Variants in PKD2L1 observed in about 807,000 individuals in gnomAD.
PKD2L1 encodes the protein polycystin-2-like protein 1.
In PKD2L1, 77 loss-of-function variants were observed where a neutral mutation model predicts 93.0. That is an observed-to-expected ratio of 0.83 (90% CI 0.69 to 1.00). PKD2L1 has a LOEUF of 1.00. Among genes scored for constraint, PKD2L1 ranks in the 50% least tolerant of loss-of-function variants. The pLI is 0.00. For synonymous variants in PKD2L1, 390 were observed against 388.0 expected (o/e 1.01, Z -0.06); for missense variants, 977 against 990.9 (o/e 0.99, Z 0.19).
At chr10:100,304,083 T>C (rs1039487558) in intron 2 of PKD2L1, among the ~76,000 whole-genome samples, 1 of 152,262 alleles carries the variant, frequency 6.6e-6, no homozygotes, top group Non-Finnish European at 1.5e-5. Flanking sequence ...AAAATGCCTA[T>C]TGACAGGCAG....
At chr10:100,323,564 C>A (rs1055253768) in intron 2 of PKD2L1, among the ~76,000 whole-genome samples, 1 of 152,012 alleles carries the variant, frequency 6.6e-6, no homozygotes, top group Non-Finnish European at 1.5e-5. Context: ...CCACGGCGCC[C>A]GGCTCACTCT....
At chr10:100,313,024 T>C (rs923962261) in intron 2 of PKD2L1, among the ~76,000 whole-genome samples, 3 of 152,088 alleles carry the variant, frequency 2.0e-5, no homozygotes, top group African/African-American at 7.2e-5. Context: ...ACACCAACTG[T>C]AGTAAAACGT....
At position 100,295,116 on chromosome 10, in the gene PKD2L1, T is replaced by C; in HGVS notation, c.1364A>G (p.Lys455Arg). The C allele has an allele frequency of 6.2e-7, 1 of 1,613,454 alleles. No individual in the cohort carries two copies. Among genetic ancestry groups the C allele is most frequent in the Non-Finnish European group, 8.5e-7 (1 of 1,179,580 alleles). ...NLFFAWIKIF[K>R]YISFNKTMTQ... The stretch of plus-strand genomic sequence containing the variant: ...CATGGTTTTGTTGAAGCTGATGTAC[T>C]TGAATATCTGGAAGGACCATGTTGA... The change falls in exon 8 of 16, where the codon AAG (lysine) becomes AGG (arginine). Residue 455 changes from lysine to arginine, a missense_variant. Physicochemically the swap from Lys to Arg is conservative, Grantham distance 26. Coordinates refer to ENST00000318222, the MANE Select transcript of PKD2L1 (RefSeq NM_016112.3).
At chr10:100,299,421 C>T (rs1244621398) in intron 3 of PKD2L1, among the ~76,000 whole-genome samples, 170 bp downstream of exon 3, 2 of 152,220 alleles carry the variant, frequency 1.3e-5, no homozygotes, top group Non-Finnish European at 2.9e-5. Flanking sequence ...TAATCCCTTA[C>T]CCACCTCCAC....
intron 2 of PKD2L1, among the ~76,000 whole-genome samples, chr10:100,302,697 A>C (rs1041175310): frequency 3.0e-4 from 45 of 149,602 alleles, no homozygotes; most frequent in East Asian, 2.0e-3. Flanking sequence ...GTCCCCCAAA[A>C]AAAAAAAAAA....
At chr10:100,321,590 C>T (rs1169928660) in intron 2 of PKD2L1, among the ~76,000 whole-genome samples, 1 of 144,638 alleles carries the variant, frequency 6.9e-6, no homozygotes, top group East Asian at 2.0e-4. Flanking sequence ...GGGAGGATTG[C>T]TTGAGCCTAG....
intron 6 of PKD2L1, among the ~76,000 whole-genome samples, chr10:100,296,721 G>C (rs1371063168): frequency 6.6e-6 from 1 of 151,622 alleles, no homozygotes; most frequent in African/African-American, 2.4e-5. Context: ...CAAGAGAGGA[G>C]CAGAATATAG....
chr10:100,302,927 T>A (rs1848716948), intron 2 of PKD2L1, among the ~76,000 whole-genome samples: 1 of 152,154 alleles, frequency 6.6e-6, no homozygotes, highest in Non-Finnish European at 1.5e-5. Context: ...AATATCCTTG[T>A]TTTTTAGAAA....
rs1412759399 is a variant in PKD2L1 at position 100,289,945 on chromosome 10, C to T, written c.2250+70G>A. 3 of 1,571,732 alleles carry T rather than the reference C, an allele frequency of 1.9e-6. No homozygotes were observed. The Admixed American group carries it at 5.0e-5, about 26-fold the overall frequency. On this transcript the variant is annotated intron_variant, in intron 14 of 15. Coordinates refer to ENST00000318222, the MANE Select transcript of PKD2L1 (RefSeq NM_016112.3). ...GTCTTTCAAAAATGTTCTTGCCCCA[C>T]CCACTGAGTGGAAAAGATGGCAGAG... is the stretch of plus-strand genomic sequence containing the variant.
intron 4 of PKD2L1, 43 bp downstream of exon 4, chr10:100,298,519 A>C: frequency 6.2e-7 from 1 of 1,600,762 alleles, no homozygotes; most frequent in Non-Finnish European, 8.5e-7. Context: ...TGTCAGGTTT[A>C]GAGGGGCAAG....
At chr10:100,295,731 CAA>C (rs71013441) in intron 7 of PKD2L1, among the ~76,000 whole-genome samples, 904 of 56,652 alleles carry the variant, frequency 0.016, 7 homozygotes, top group African/African-American at 0.058. Context: ...GACTTCGTCT[CAA>C]AAAAAAAAAA....
At position 100,298,826 on chromosome 10, in the gene PKD2L1, A is replaced by G. The variant is rs1005971135; in HGVS notation, c.478-11T>C. 6.2e-7 allele frequency: 1 copy of G among 1,607,322 alleles called. No homozygotes were observed. Among genetic ancestry groups the G allele is most frequent in the East Asian group, 2.2e-5 (1 of 44,814 alleles). On this transcript the variant is annotated splice_polypyrimidine_tract_variant and intron_variant, in intron 3 of 15. Coordinates refer to ENST00000318222, the MANE Select transcript of PKD2L1 (RefSeq NM_016112.3). Reference sequence around the variant, plus strand: ...TGGGCCCTGGGCAAACTGAACCACAAGCTGGCTTGAACCTTACCCAGCCTC... The same window carrying G: ...TGGGCCCTGGGCAAACTGAACCACAGGCTGGCTTGAACCTTACCCAGCCTC...
chr10:100,324,145 G>C (rs879897077), intron 2 of PKD2L1, among the ~76,000 whole-genome samples: 1 of 152,136 alleles, frequency 6.6e-6, no homozygotes, highest in African/African-American at 2.4e-5. Context: ...TTTTTTTAGA[G>C]TAATTTTAGG....
rs79765947 is a variant in PKD2L1, at chr10:100,317,141, T to C, written c.349+12070A>G. Among the ~76,000 whole-genome samples, 1,294 of 152,296 alleles carry C rather than the reference T, an allele frequency of 8.5e-3. 26 individuals carry two copies. The highest frequency in any genetic ancestry group is 0.03 in the African/African-American group (1,232 of 41,560). On this transcript the variant is annotated intron_variant, in intron 2 of 15. Coordinates refer to ENST00000318222, the MANE Select transcript of PKD2L1 (RefSeq NM_016112.3). ...TTAAAACTCAGGAAAAATGTAAATA[T>C]GTATTAACTCATTCATTTGAAAATA...
chr10:100,306,864 A>AAAAAAAAAAAG (rs1848814052), intron 2 of PKD2L1, among the ~76,000 whole-genome samples: 1 of 149,950 alleles, frequency 6.7e-6, no homozygotes, highest in Non-Finnish European at 1.5e-5. Context: ...TCAAAAAAAA[A>AAAAAAAAAAAG]AAAAAAAAAG....
At chr10:100,313,659 C>A (rs1294709173) in intron 2 of PKD2L1, among the ~76,000 whole-genome samples, 1 of 150,876 alleles carries the variant, frequency 6.6e-6, no homozygotes, top group East Asian at 1.9e-4. Flanking sequence ...ACTGGGTCTA[C>A]CCTCAACATT....
chr10:100,326,416 AG>A (rs1849381328), intron 2 of PKD2L1, among the ~76,000 whole-genome samples: 1 of 152,114 alleles, frequency 6.6e-6, no homozygotes, highest in Non-Finnish European at 1.5e-5. Context: ...CCCTCTTCCC[AG>A]AGACTTTCTT....
Position 100,297,433 on chromosome 10 carries a change from A to G in PKD2L1, c.905T>C (p.Phe302Ser). The G allele has an allele frequency of 6.2e-7, 1 of 1,614,178 alleles. No individual in the cohort carries two copies. The highest frequency in any genetic ancestry group is 8.5e-7 in the Non-Finnish European group (1 of 1,180,024). The change falls in exon 5 of 16, where the codon TTC (phenylalanine) becomes TCC (serine). Residue 302 changes from phenylalanine to serine, a missense_variant. Coordinates refer to ENST00000318222, the MANE Select transcript of PKD2L1 (RefSeq NM_016112.3). Reference protein sequence around the residue: ...LWLDRGTRVVFIDFSVYNANI... With the variant: ...LWLDRGTRVVSIDFSVYNANI... ...GGCATTGTAGACTGAGAAGTCGATG[A>G]ACACCACTCGAGTGCCCCTGTCCAG...
rs571904707 is a variant in PKD2L1, at chr10:100,307,879, A to G, written c.350-8161T>C. Among the ~76,000 whole-genome samples the G allele has an allele frequency of 2.6e-5, 4 of 152,316 alleles. No individual in the cohort carries two copies. The East Asian group carries it at 7.7e-4, about 29-fold the overall frequency. ...CCAGCTCCTTTCTGTAAGATACAGT[A>G]AAAGAGTGGAATTGCCCTTTGTATT... On this transcript the variant is annotated intron_variant, in intron 2 of 15. Coordinates refer to ENST00000318222, the MANE Select transcript of PKD2L1 (RefSeq NM_016112.3).
Sources: gnomAD v4.1 joint callset for allele counts (sites outside exome capture counted in the v4.1 genomes callset) on GRCh38, gnomAD v4.1.1 for gene constraint, MANE v1.5 for transcripts, NCBI Gene and HGNC (gene_info 2026-07-23, HGNC 2026-07-21) for gene names.